ORC4: variants seen among roughly 807,000 people sequenced by gnomAD.
The protein encoded by ORC4 is origin recognition complex, subunit 4 homolog.
ORC4 carries 55 observed loss-of-function variants against 63.9 expected under a neutral mutation model. That is an observed-to-expected ratio of 0.86 (90% CI 0.69 to 1.08). The LOEUF is 1.08. ORC4 is among the 50% of genes least tolerant of loss of function. The pLI, the probability that ORC4 is intolerant of heterozygous loss-of-function variation, is 0.00. For synonymous variants in ORC4, 150 were observed against 168.5 expected (o/e 0.89, Z 0.85); for missense variants, 511 against 504.4 (o/e 1.01, Z -0.13).
rs1431541532 is a variant in ORC4, at chr2:147,931,622, T to G, written c.*3888A>C. On this transcript the variant is annotated 3_prime_UTR_variant, in exon 14 of 14. Coordinates refer to ENST00000392857, the MANE Select transcript of ORC4 (RefSeq NM_181741.4). ...GCTTATCCACCATGATCAAGTGGGC[T>G]TCATCCCTGGGATGCAAGGCTGGTT... 6.6e-6 allele frequency: 1 copy of G among 152,154 alleles called. No homozygotes were observed. Among genetic ancestry groups the G allele is most frequent in the Non-Finnish European group, 1.5e-5 (1 of 68,060 alleles). 9.4% of individuals were successfully genotyped at this position (152,154 alleles called of 1,614,324 possible).
chr2:147,974,274 C>T (rs1690391079), intron 2 of ORC4, among the ~76,000 whole-genome samples: 1 of 152,102 alleles, frequency 6.6e-6, no homozygotes, highest in Admixed American at 6.5e-5. Flanking sequence ...TAAGTCTGTT[C>T]TAAATTTTAA....
chr2:147,943,307 T>C (rs1688468410), intron 10 of ORC4, 129 bp downstream of exon 10: 5 of 693,800 alleles, frequency 7.2e-6, no homozygotes, highest in Non-Finnish European at 1.3e-5. Flanking sequence ...TGTCAGCACT[T>C]AGGGAGGCAG....
Position 147,934,261 on chromosome 2 carries a change from C to G in ORC4, c.*1249G>C, listed in dbSNP as rs1330631807. On this transcript the variant is annotated 3_prime_UTR_variant, in exon 14 of 14. Coordinates refer to ENST00000392857, the MANE Select transcript of ORC4 (RefSeq NM_181741.4). ...GGACAGTCTGTCTTTTGTAAACCTC[C>G]CATGCACACAATAGGAAATCAAATA... 2.0e-5 allele frequency: 3 copies of G among 152,134 alleles called. No homozygotes were observed. Among genetic ancestry groups the G allele is most frequent in the African/African-American group, 7.2e-5 (3 of 41,436 alleles). The allele number at this position is 152,134 out of a possible 1,614,324, so 9.4% of individuals were successfully genotyped here.
intron 1 of ORC4, among the ~76,000 whole-genome samples, chr2:148,005,413 G>T (rs180752154): frequency 1.3e-5 from 2 of 151,868 alleles, no homozygotes. Context: ...GGGATGGGGG[G>T]GCTAAGGGAG....
chr2:147,990,976 A>G (rs1176265574), intron 1 of ORC4, among the ~76,000 whole-genome samples: 1 of 152,126 alleles, frequency 6.6e-6, no homozygotes, highest in Non-Finnish European at 1.5e-5. Flanking sequence ...CTGGAATCAT[A>G]TATACACAGA....
At position 147,995,193 on chromosome 2, in the gene ORC4, C is replaced by T. The variant is rs148673030; in HGVS notation, c.-17-19218G>A. 8.6e-5 allele frequency among the ~76,000 whole-genome samples: 13 copies of T among 151,650 alleles called. No individual in the cohort carries two copies. The East Asian group carries it at 2.3e-3, about 27-fold the overall frequency. On this transcript the variant is annotated intron_variant, in intron 1 of 13. Transcript: ENST00000392857. ...GTGTCTAGCTAAAGGATTGTAAATG[C>T]ACCAATCAGCACTCTATAAAAACGC...
At chr2:147,969,268 T>A (rs997702294) in intron 4 of ORC4, among the ~76,000 whole-genome samples, 1 of 151,970 alleles carries the variant, frequency 6.6e-6, no homozygotes, top group African/African-American at 2.4e-5. Flanking sequence ...TATTTTCCAA[T>A]AGCTAGAAGA....
At chr2:147,999,247 G>A (rs910240680) in intron 1 of ORC4, among the ~76,000 whole-genome samples, 6 of 152,150 alleles carry the variant, frequency 3.9e-5, no homozygotes, top group Non-Finnish European at 1.5e-5. Context: ...GGGTAAGACA[G>A]AAGAAATCTA....
chr2:147,985,485 C>T (rs1408508115), intron 1 of ORC4, among the ~76,000 whole-genome samples: 1 of 152,084 alleles, frequency 6.6e-6, no homozygotes. Flanking sequence ...CGTGAGCCAC[C>T]GTGCCCAGCC....
chr2:147,974,144 A>G (rs562774341), intron 2 of ORC4, among the ~76,000 whole-genome samples: 1 of 152,338 alleles, frequency 6.6e-6, no homozygotes, highest in South Asian at 2.1e-4. Context: ...CCATGTACAG[A>G]GGCAAAGCAA....
chr2:147,976,534 C>T (rs1232094423), intron 1 of ORC4, among the ~76,000 whole-genome samples: 2 of 152,070 alleles, frequency 1.3e-5, no homozygotes, highest in South Asian at 2.1e-4. Flanking sequence ...TCCTCCCTTT[C>T]GATTAAATCT....
rs180749524 is a variant in ORC4 at position 148,015,091 on chromosome 2, C to T, written c.-18+5542G>A. ...CGATGATTGAACATTTCCTCTACCC[C>T]CACAACCACACTTGACTAGGAGAAA... is the stretch of plus-strand genomic sequence containing the variant. On this transcript the variant is annotated intron_variant, in intron 1 of 13. Transcript: ENST00000392857. 1.6e-3 allele frequency among the ~76,000 whole-genome samples: 246 copies of T among 151,352 alleles called. 9 individuals carry two copies. In the East Asian group the frequency reaches 0.043, roughly 26 times the overall value.
At chr2:147,965,903 A>AT (rs1266899042) in intron 4 of ORC4, among the ~76,000 whole-genome samples, 1 of 152,120 alleles carries the variant, frequency 6.6e-6, no homozygotes, top group Non-Finnish European at 1.5e-5. Flanking sequence ...ATAAAACTAG[A>AT]TATCGATAAT....
intron 9 of ORC4, among the ~76,000 whole-genome samples, chr2:147,945,890 A>G (rs961503443): frequency 6.6e-6 from 1 of 152,108 alleles, no homozygotes; most frequent in African/African-American, 2.4e-5. Flanking sequence ...TTTTCAAGTG[A>G]AGCTCATTTT....
chr2:147,996,707 A>G (rs1691997938), intron 1 of ORC4, among the ~76,000 whole-genome samples: 1 of 152,206 alleles, frequency 6.6e-6, no homozygotes, highest in Non-Finnish European at 1.5e-5. Flanking sequence ...ACAATGAGAT[A>G]CCATTGCACA....
At chr2:147,987,357 G>T (rs1265743292) in intron 1 of ORC4, among the ~76,000 whole-genome samples, 2 of 109,972 alleles carry the variant, frequency 1.8e-5, no homozygotes, top group Non-Finnish European at 3.8e-5. Context: ...TCCATATATA[G>T]ATATATATAT....
At chr2:148,012,106 G>T (rs971886676) in intron 1 of ORC4, among the ~76,000 whole-genome samples, 8 of 151,942 alleles carry the variant, frequency 5.3e-5, no homozygotes, top group Non-Finnish European at 1.2e-4. Context: ...TCCTAAAATT[G>T]TATGGAAGCA....
At chr2:147,943,608 G>A in intron 9 of ORC4, 86 bp from the exon 10 acceptor site, 1 of 744,146 alleles carries the variant, frequency 1.3e-6, no homozygotes, top group Non-Finnish European at 2.3e-6. Flanking sequence ...ACTGGTTGGT[G>A]TACCTTAGTA....
At chr2:147,973,629 C>A in intron 2 of ORC4, 105 bp from the exon 3 acceptor site, 1 of 658,290 alleles carries the variant, frequency 1.5e-6, no homozygotes, top group South Asian at 2.0e-5. Flanking sequence ...ATTAATGAAT[C>A]AATTCAACCC....
Sources: allele counts gnomAD v4.1 joint callset (sites outside exome capture counted in the v4.1 genomes callset), GRCh38; gene constraint gnomAD v4.1.1; transcripts MANE v1.5; gene names NCBI Gene and HGNC (gene_info 2026-07-23, HGNC 2026-07-21).